The following FBF1 variants were observed in gnomAD, a reference collection of about 807,000 sequenced individuals.
FBF1 encodes the protein fas-binding factor 1.
A neutral mutation model predicts 147.2 loss-of-function variants in FBF1; 119 were observed. That is an observed-to-expected ratio of 0.81 (90% confidence interval 0.70 to 0.94). FBF1 has a LOEUF of 0.94. FBF1 is among the 40% of genes least tolerant of loss of function. The probability of loss-of-function intolerance (pLI) is 0.00; values close to 1 mark genes in which losing one functional copy is unlikely to be tolerated. For synonymous variants in FBF1, 601 were observed against 609.0 expected, an observed-to-expected ratio of 0.99 and a Z score of 0.19; for missense variants, 1,449 against 1,500.8, an observed-to-expected ratio of 0.97 and a Z score of 0.57.
At chr17:75,931,323 C>T in intron 5 of FBF1, 34 bp from the exon 6 acceptor site, 1 of 1,558,412 alleles carries the variant, frequency 6.4e-7, no homozygotes, top group East Asian at 2.4e-5. Flanking sequence ...CTACCTGCAT[C>T]CCAGGGCACT....
chr17:75,911,899 G>C (rs981221712), intron 29 of FBF1, among the ~76,000 whole-genome samples: 12 of 152,028 alleles, frequency 7.9e-5, no homozygotes, highest in Non-Finnish European at 1.0e-4. Flanking sequence ...TGATCCTCCT[G>C]CTTCAACCTC....
rs2065585810 is a variant in FBF1, at chr17:75,930,144, G to C, written c.229-97C>G. On this transcript the variant is annotated intron_variant, in intron 6 of 29. Transcript: ENST00000636174. Reference sequence around the variant, plus strand: ...CTGGCCCCTTGCTTCTGTTAGGGCAGACGGCGCGGCAGGAGCAGAGCTTGG... The same window carrying C: ...CTGGCCCCTTGCTTCTGTTAGGGCACACGGCGCGGCAGGAGCAGAGCTTGG... 14 of 931,466 alleles carry C rather than the reference G, an allele frequency of 1.5e-5. No individual in the cohort carries two copies. In the East Asian group the frequency reaches 3.7e-4, roughly 24 times the overall value. 57.7% of individuals were successfully genotyped at this position (931,466 alleles called of 1,614,324 possible). A position where few individuals can be genotyped will look rare whatever the true frequency, so the allele number is the denominator to read the frequency against.
chr17:75,918,832 G>A lies in FBF1; in HGVS notation c.2139-563C>T, dbSNP rs911035677. On this transcript the variant is annotated intron_variant, in intron 20 of 29. Coordinates refer to ENST00000636174, the MANE Select transcript of FBF1 (RefSeq NM_001319193.2). The surrounding 1 kb of genome is among the most constrained non-coding windows in gnomAD (Gnocchi z 5.8). ...TTTTTTTTTTTTTTTTCCTAGAGATGAGGTCTCACTATGTTGCCCAGGCTG... is the reference window on the plus strand; with the variant it reads ...TTTTTTTTTTTTTTTTCCTAGAGATAAGGTCTCACTATGTTGCCCAGGCTG... Among the ~76,000 whole-genome samples the A allele has an allele frequency of 7.0e-6, 1 of 143,322 alleles. No individual in the cohort carries two copies. Among genetic ancestry groups the A allele is most frequent in the African/African-American group, 2.6e-5 (1 of 38,536 alleles). The allele number at this position is 143,322 out of a possible 152,430, so 94.0% of individuals were successfully genotyped here.
In FBF1 at chr17:75,919,905, G is replaced by A. The variant is rs2065513525; in HGVS notation, c.1932-31C>T. 3 of 1,613,218 alleles carry A rather than the reference G, an allele frequency of 1.9e-6. No individual in the cohort carries two copies. The highest frequency in any genetic ancestry group is 1.3e-5 in the African/African-American group (1 of 74,948). ...AACAGAACACCCAGCCATGGCGCAA[G>A]GAAGGCAGAGGGCTGCCGCCTAAAG... On this transcript the variant is annotated intron_variant, in intron 19 of 29. Coordinates refer to ENST00000636174, the MANE Select transcript of FBF1 (RefSeq NM_001319193.2). This position sits in a 1 kb window ranked among gnomAD's most constrained non-coding sequence, Gnocchi z 5.0.
intron 29 of FBF1, among the ~76,000 whole-genome samples, chr17:75,911,266 AAAT>A (rs1367241146): frequency 6.6e-6 from 1 of 152,210 alleles, no homozygotes; most frequent in African/African-American, 2.4e-5. Context: ...AAATATAAAT[AAAT>A]AAGTAAAATA....
intron 23 of FBF1, 113 bp downstream of exon 23, chr17:75,917,619 G>T: frequency 1.1e-6 from 1 of 942,476 alleles, no homozygotes; most frequent in Non-Finnish European, 1.6e-6. Context: ...CGGCAGGTGG[G>T]GCCTTGACCT....
At chr17:75,939,244 C>T (rs1023040609) in intron 1 of FBF1, among the ~76,000 whole-genome samples, 3 of 145,732 alleles carry the variant, frequency 2.1e-5, no homozygotes, top group African/African-American at 7.7e-5. Context: ...TGCAGTGAGC[C>T]GAGATCGCCC....
In FBF1 at chr17:75,920,086, G is replaced by T. The variant is rs376971539; in HGVS notation, c.1852C>A (p.Arg618=). 6.3e-7 allele frequency: 1 copy of T among 1,588,050 alleles called. No individual in the cohort carries two copies. The highest frequency in any genetic ancestry group is 8.6e-7 in the Non-Finnish European group (1 of 1,167,938). Residue 618 remains arginine, a synonymous_variant, in exon 19 of 30, where the codon CGG becomes AGG. Coordinates refer to ENST00000636174, the MANE Select transcript of FBF1 (RefSeq NM_001319193.2). The stretch of plus-strand genomic sequence containing the variant: ...CCCAGCAGCAGCTCATGCTGGGCCC[G>T]TTCTAGCTCCAGCTTCCGCACCTGG... ...EAQVRKLELE[R]AQHELLLGSL... is the part of the protein sequence containing the mutation.
At position 75,919,960 on chromosome 17, in the gene FBF1, G is replaced by C. The variant is rs377280555; in HGVS notation, c.1931+47C>G. On this transcript the variant is annotated intron_variant, in intron 19 of 29. Coordinates refer to ENST00000636174, the MANE Select transcript of FBF1 (RefSeq NM_001319193.2). The surrounding 1 kb of genome is among the most constrained non-coding windows in gnomAD (Gnocchi z 5.0). ...CTCCAGGCACACTGGGTGGCCTTTG[G>C]GGTCAGTGTGAGATCCAAGGCAGAG... is the stretch of plus-strand genomic sequence containing the variant. 6.2e-7 allele frequency: 1 copy of C among 1,609,906 alleles called. No homozygotes were observed. Among genetic ancestry groups the C allele is most frequent in the Non-Finnish European group, 8.5e-7 (1 of 1,177,222 alleles).
intron 23 of FBF1, 29 bp from the exon 24 acceptor site, chr17:75,915,168 G>T (rs1289831487): frequency 6.3e-7 from 1 of 1,596,278 alleles, no homozygotes; most frequent in African/African-American, 1.3e-5. Context: ...GACTGAGAGC[G>T]TGGTTCCCGC....
intron 22 of FBF1, 23 bp from the exon 23 acceptor site, chr17:75,917,873 TCAGCAGCTGCTC>T: frequency 6.6e-7 from 1 of 1,521,428 alleles, no homozygotes; most frequent in Non-Finnish European, 8.7e-7. Context: ...CACAGGGTGC[TCAGCAGCTGCTC>T]CCCCTTCCCA....
Position 75,919,483 on chromosome 17 carries a change from A to G in FBF1, c.2138+185T>C, listed in dbSNP as rs1238467277. Among the ~76,000 whole-genome samples, 1 of 151,832 alleles carries G rather than the reference A, an allele frequency of 6.6e-6. No individual in the cohort carries two copies. Among genetic ancestry groups the G allele is most frequent in the Non-Finnish European group, 1.5e-5 (1 of 67,948 alleles). ...TCCTGCCTCTGTAAGAGCAGGTGGC[A>G]CCCCCACCCATGGGTGTGATGGGTC... On this transcript the variant is annotated intron_variant, in intron 20 of 29. Transcript: ENST00000636174. This position sits in a 1 kb window ranked among gnomAD's most constrained non-coding sequence, Gnocchi z 5.0.
Position 75,923,445 on chromosome 17 carries a change from A to G in FBF1, c.1165T>C (p.Ser389Pro). Residue 389 changes from serine to proline, a missense_variant, in exon 14 of 30, where the codon TCA becomes CCA. By Grantham distance (74) the Ser-to-Pro change is moderately conservative. Coordinates refer to ENST00000636174, the MANE Select transcript of FBF1 (RefSeq NM_001319193.2). The surrounding 1 kb of genome is among the most constrained non-coding windows in gnomAD (Gnocchi z 4.1). Reference sequence around the variant, plus strand: ...TGCTGGCTCGCAGGAGGAGGCACTGAGGGCGTGACAGGCACTGAACTTTCC... The same window carrying G: ...TGCTGGCTCGCAGGAGGAGGCACTGGGGGCGTGACAGGCACTGAACTTTCC... ...HRESSVPVTP[S>P]VPPPASQHST... 1 of 1,608,796 alleles carries G rather than the reference A, an allele frequency of 6.2e-7. No individual in the cohort carries two copies. The highest frequency in any genetic ancestry group is 8.5e-7 in the Non-Finnish European group (1 of 1,177,986).
At chr17:75,920,470 A>G in intron 17 of FBF1, 41 bp from the exon 18 acceptor site, 1 of 1,555,480 alleles carries the variant, frequency 6.4e-7, no homozygotes, top group Non-Finnish European at 8.7e-7. Flanking sequence ...TAGGGAGGGG[A>G]CAGGGGCCCA....
Position 75,928,779 on chromosome 17 carries a change from GC to G in FBF1, c.280-587del, listed in dbSNP as rs1714288066. On this transcript the variant is annotated intron_variant, in intron 7 of 29. Transcript: ENST00000636174. This position sits in a 1 kb window ranked among gnomAD's most constrained non-coding sequence, Gnocchi z 4.2. ...GCCGAGATCATGCCACTGCACTCCAGCCTAGGCAACAGAGCAAGACTCCGTC... is the reference window on the plus strand; with the variant it reads ...GCCGAGATCATGCCACTGCACTCCAGCTAGGCAACAGAGCAAGACTCCGTC... 6.6e-6 allele frequency among the ~76,000 whole-genome samples: 1 copy of G among 152,024 alleles called. No individual in the cohort carries two copies. Among genetic ancestry groups the G allele is most frequent in the African/African-American group, 2.4e-5 (1 of 41,388 alleles).
intron 13 of FBF1, among the ~76,000 whole-genome samples, chr17:75,924,474 C>T (rs1298370290): frequency 6.6e-6 from 1 of 152,202 alleles, no homozygotes; most frequent in Non-Finnish European, 1.5e-5. Flanking sequence ...GTTCTTACAA[C>T]TTCTGAAGTT....
chr17:75,915,487 G>C (rs1259258672), intron 23 of FBF1, among the ~76,000 whole-genome samples: 1 of 152,238 alleles, frequency 6.6e-6, no homozygotes, highest in East Asian at 1.9e-4. Flanking sequence ...GCTAAGCACA[G>C]GGTGGCTTAA....
chr17:75,929,326 G>A (rs1306933138), intron 7 of FBF1, among the ~76,000 whole-genome samples: 1 of 151,846 alleles, frequency 6.6e-6, no homozygotes, highest in African/African-American at 2.4e-5. Flanking sequence ...ATGCGATGGT[G>A]TCTCTAAAAA....
At chr17:75,911,667 T>C (rs1232821801) in intron 29 of FBF1, among the ~76,000 whole-genome samples, 2 of 152,060 alleles carry the variant, frequency 1.3e-5, no homozygotes, top group Non-Finnish European at 2.9e-5. Context: ...TACAGGTGTA[T>C]GCCACCACGC....
Sources: allele counts gnomAD v4.1 joint callset (sites outside exome capture counted in the v4.1 genomes callset), GRCh38; gene constraint gnomAD v4.1.1; non-coding constraint Gnocchi (gnomAD v3.1); transcripts MANE v1.5; gene names NCBI Gene and HGNC (gene_info 2026-07-23, HGNC 2026-07-21).